The following NFYA variants were observed in gnomAD, a reference collection of about 807,000 sequenced individuals.
NFYA encodes the protein nuclear transcription factor Y subunit alpha, also known as CAAT-box DNA binding protein subunit A.
A neutral mutation model predicts 52.8 loss-of-function variants in NFYA; 28 were observed. That is an observed-to-expected ratio of 0.53 (90% CI 0.39 to 0.73). The LOEUF is 0.73. NFYA is among the 30% of genes least tolerant of loss of function. The pLI is 0.00. For missense variants in NFYA, 234 were observed against 427.0 expected, an observed-to-expected ratio of 0.55 and a Z score of 3.98; for synonymous variants, 150 against 150.7, an observed-to-expected ratio of 1.00 and a Z score of 0.03.
Position 41,090,299 on chromosome 6 carries a change from T to A in NFYA, c.537T>A (p.Ile179=), listed in dbSNP as rs1187387155. ...AACCAGTTAATGCAGATGGCACCATTCTCCAGCAAGGTAAGTGTACCCATA... is the reference window on the plus strand; with the variant it reads ...AACCAGTTAATGCAGATGGCACCATACTCCAGCAAGGTAAGTGTACCCATA... ...VYQPVNADGT[I]LQQVTVPVSG... The change falls in exon 6 of 10, where the codon ATT becomes ATA. Residue 179 remains isoleucine, a synonymous_variant. Transcript: ENST00000341376. 1.2e-6 allele frequency: 2 copies of A among 1,613,112 alleles called. No homozygotes were observed. The highest frequency in any genetic ancestry group is 1.7e-6 in the Non-Finnish European group (2 of 1,179,268).
Position 41,080,908 on chromosome 6 carries a change from C to T in NFYA, c.162+11C>T, listed in dbSNP as rs1438213428. 2.5e-6 allele frequency: 4 copies of T among 1,607,196 alleles called. No individual in the cohort carries two copies. Among genetic ancestry groups the T allele is most frequent in the Admixed American group, 1.7e-5 (1 of 59,978 alleles). On this transcript the variant is annotated intron_variant, in intron 3 of 9. Transcript: ENST00000341376. ...CAGACCCTCCAGGTAGTGGTACCCT[C>T]TCTGATTCTCTGTGAGCACTGCATG... is the stretch of plus-strand genomic sequence containing the variant.
chr6:41,092,770 C>T, intron 7 of NFYA, 142 bp from the exon 8 acceptor site: 1 of 703,968 alleles, frequency 1.4e-6, no homozygotes, highest in Non-Finnish European at 2.3e-6. Flanking sequence ...TAAATTTCTC[C>T]AGGGATCCGC....
intron 8 of NFYA, 42 bp downstream of exon 8, chr6:41,093,127 AGG>A (rs763132465): frequency 1.2e-4 from 189 of 1,550,832 alleles, no homozygotes; most frequent in Non-Finnish European, 1.5e-4. Context: ...GGAGAATAGC[AGG>A]GTTCTACTTT....
Position 41,089,704 on chromosome 6 carries a change from G to A in NFYA, c.435G>A (p.Gln145=). ...QQPQTAVTAG[Q]TQTQQQIAVQ... ...CCCAGACGGCTGTCACTGCTGGCCA[G>A]ACTCAGGTAATTCCACTAGCTCTGT... is the stretch of plus-strand genomic sequence containing the variant. Residue 145 remains glutamine (Q), a synonymous_variant, in exon 5 of 10, where the codon CAG becomes CAA. Coordinates refer to ENST00000341376, the MANE Select transcript of NFYA (RefSeq NM_002505.5). 6.2e-7 allele frequency: 1 copy of A among 1,611,546 alleles called. No homozygotes were observed. The highest frequency in any genetic ancestry group is 2.2e-5 in the East Asian group (1 of 44,884).
At chr6:41,079,242 C>T (rs1763839821) in intron 2 of NFYA, 78 bp downstream of exon 2, 16 of 1,345,864 alleles carry the variant, frequency 1.2e-5, no homozygotes, top group Non-Finnish European at 1.7e-5. Flanking sequence ...GTCTATTGCC[C>T]TGGGGAATTA....
In NFYA at chr6:41,097,287, A is replaced by T. The variant is rs532216568; in HGVS notation, c.991-70A>T. 2.2e-6 allele frequency: 3 copies of T among 1,380,036 alleles called. No individual in the cohort carries two copies. In the South Asian group the frequency reaches 3.5e-5, roughly 16 times the overall value. The allele number at this position is 1,380,036 out of a possible 1,614,324, so 85.5% of individuals were successfully genotyped here. A position where few individuals can be genotyped will look rare whatever the true frequency, so the allele number is the denominator to read the frequency against. Reference sequence around the variant, plus strand: ...TTATGTGTATTCTCTTGGGGGGATAAGTAGTGAGAGCCATGAGTTCCTGTT... The same window carrying T: ...TTATGTGTATTCTCTTGGGGGGATATGTAGTGAGAGCCATGAGTTCCTGTT... On this transcript the variant is annotated intron_variant, in intron 9 of 9. Coordinates refer to ENST00000341376, the MANE Select transcript of NFYA (RefSeq NM_002505.5).
chr6:41,091,474 C>G, intron 6 of NFYA, 54 bp from the exon 7 acceptor site: 1 of 1,572,178 alleles, frequency 6.4e-7, no homozygotes, highest in Non-Finnish European at 8.7e-7. Flanking sequence ...ATGTTCCCTT[C>G]TTTCTGTTCT....
At chr6:41,097,112 G>A (rs1384586126) in intron 9 of NFYA, among the ~76,000 whole-genome samples, 2 of 152,146 alleles carry the variant, frequency 1.3e-5, no homozygotes, top group Non-Finnish European at 2.9e-5. Flanking sequence ...TACACTAACA[G>A]CCCTGCAGTG....
In NFYA at chr6:41,098,482, A is replaced by AT. The variant is rs1764418916; in HGVS notation, c.*1074dup. On this transcript the variant is annotated 3_prime_UTR_variant, in exon 10 of 10. Coordinates refer to ENST00000341376, the MANE Select transcript of NFYA (RefSeq NM_002505.5). Reference sequence around the variant, plus strand: ...ATGGATCATTAAGATGAAGAGAGTAATTCACATTTACTCTAGAACCTTTAA... The same window carrying AT: ...ATGGATCATTAAGATGAAGAGAGTAATTTCACATTTACTCTAGAACCTTTAA... The AT allele has an allele frequency of 6.6e-6, 1 of 152,224 alleles. No homozygotes were observed. Among genetic ancestry groups the AT allele is most frequent in the African/African-American group, 2.4e-5 (1 of 41,442 alleles). 9.4% of individuals were successfully genotyped at this position (152,224 alleles called of 1,614,324 possible). A position where few individuals can be genotyped will look rare whatever the true frequency, so the allele number is the denominator to read the frequency against.
chr6:41,093,836 A>G (rs887239853), intron 8 of NFYA, among the ~76,000 whole-genome samples: 3 of 152,192 alleles, frequency 2.0e-5, no homozygotes, highest in Non-Finnish European at 4.4e-5. Flanking sequence ...GAATTTAGTT[A>G]CCTGATCACA....
chr6:41,073,237 C>G (rs557933940), intron 1 of NFYA, among the ~76,000 whole-genome samples, 153 bp downstream of exon 1: 28 of 151,722 alleles, frequency 1.8e-4, no homozygotes, highest in Non-Finnish European at 3.7e-4. Context: ...CGGCCCCGGC[C>G]CGGGGCCTGC....
intron 1 of NFYA, among the ~76,000 whole-genome samples, chr6:41,073,740 G>A (rs953426418): frequency 6.6e-6 from 1 of 152,062 alleles, no homozygotes; most frequent in Non-Finnish European, 1.5e-5. Flanking sequence ...TCTCCCTGGT[G>A]GGGAGAGGGG....
At chr6:41,084,235 G>A (rs1763982465) in intron 4 of NFYA, 43 bp downstream of exon 4, 1 of 1,590,174 alleles carries the variant, frequency 6.3e-7, no homozygotes. Context: ...TCAGAGGAGA[G>A]GTTTCAAAGA....
chr6:41,075,798 A>G (rs1327161994), intron 1 of NFYA: 2 of 151,778 alleles, frequency 1.3e-5, no homozygotes, highest in Non-Finnish European at 2.9e-5. Flanking sequence ...CCAAATTCCC[A>G]TATCACTTTA....
In NFYA at chr6:41,101,354, G is replaced by T. The variant is rs187827870; in HGVS notation, c.*3944G>T. On this transcript the variant is annotated 3_prime_UTR_variant, in exon 10 of 10. Coordinates refer to ENST00000341376, the MANE Select transcript of NFYA (RefSeq NM_002505.5). The stretch of plus-strand genomic sequence containing the variant: ...AAACTTTGAGTATCTTCGTTTTAGC[G>T]TGGGAGGACATCTTTTGGGATGAAC... Among the ~76,000 whole-genome samples the T allele has an allele frequency of 7.9e-5, 12 of 152,294 alleles. No individual in the cohort carries two copies. In the East Asian group the frequency reaches 2.3e-3, roughly 29 times the overall value.
In NFYA at chr6:41,100,501, C is replaced by G. The variant is rs1305363729; in HGVS notation, c.*3091C>G. On this transcript the variant is annotated 3_prime_UTR_variant, in exon 10 of 10. Transcript: ENST00000341376. ...CCATTATCAACACACAAGAGACAAACAGCCCGAGGAAGCACTCAATGATGA... is the reference window on the plus strand; with the variant it reads ...CCATTATCAACACACAAGAGACAAAGAGCCCGAGGAAGCACTCAATGATGA... 6.6e-6 allele frequency among the ~76,000 whole-genome samples: 1 copy of G among 150,926 alleles called. No individual in the cohort carries two copies. Among genetic ancestry groups the G allele is most frequent in the Non-Finnish European group, 1.5e-5 (1 of 67,422 alleles).
At chr6:41,082,069 A>G (rs1763925243) in intron 3 of NFYA, among the ~76,000 whole-genome samples, 1 of 152,218 alleles carries the variant, frequency 6.6e-6, no homozygotes, top group South Asian at 2.1e-4. Context: ...TGAATTAGAA[A>G]TGATTCAAAG....
At chr6:41,088,559 T>C (rs1461381450) in intron 4 of NFYA, among the ~76,000 whole-genome samples, 1 of 152,106 alleles carries the variant, frequency 6.6e-6, no homozygotes, top group Non-Finnish European at 1.5e-5. Context: ...CACATTTGAC[T>C]AGAGTAGAAT....
chr6:41,091,747 C>T, intron 7 of NFYA, 53 bp downstream of exon 7: 1 of 1,586,522 alleles, frequency 6.3e-7, no homozygotes, highest in Non-Finnish European at 8.6e-7. Flanking sequence ...GAACATGCAA[C>T]TTGATGCCTC....
Sources: allele counts gnomAD v4.1 joint callset (sites outside exome capture counted in the v4.1 genomes callset), GRCh38; gene constraint gnomAD v4.1.1; transcripts MANE v1.5; gene names NCBI Gene and HGNC (gene_info 2026-07-23, HGNC 2026-07-21).